The following TMEM266 variants were observed in gnomAD, a reference collection of about 807,000 sequenced individuals.
TMEM266 encodes the protein Hv1 related protein 1.
TMEM266 carries 33 observed loss-of-function variants against 50.5 expected under a neutral mutation model. The ratio of observed to expected loss-of-function variants is 0.65; its 90% CI spans 0.50 to 0.87. The LOEUF (loss-of-function observed/expected upper bound fraction) is 0.87. TMEM266 is among the 40% of genes least tolerant of loss of function. TMEM266 has a pLI of 0.00. For synonymous variants in TMEM266, 310 were observed against 292.3 expected, an observed-to-expected ratio of 1.06 and a Z score of -0.62; for missense variants, 655 against 695.1, an observed-to-expected ratio of 0.94 and a Z score of 0.65.
chr15:76,170,886 C>A, intron 6 of TMEM266, 107 bp from the exon 7 acceptor site: 3 of 1,392,288 alleles, frequency 2.2e-6, no homozygotes, highest in Non-Finnish European at 2.9e-6. Context: ...CTGGTGGGGG[C>A]CCGGGCTGCT....
intron 1 of TMEM266, among the ~76,000 whole-genome samples, chr15:76,100,791 C>T (rs190346682): frequency 3.9e-5 from 6 of 152,294 alleles, no homozygotes; most frequent in South Asian, 2.1e-4. Flanking sequence ...GACAGAATCA[C>T]AGAATATCAA....
chr15:76,106,439 G>A (rs945394221), intron 1 of TMEM266, among the ~76,000 whole-genome samples: 6 of 151,900 alleles, frequency 3.9e-5, no homozygotes, highest in African/African-American at 1.4e-4. Context: ...TTTGGTTTTG[G>A]GGGTTTTGGT....
intron 9 of TMEM266, among the ~76,000 whole-genome samples, chr15:76,192,364 G>C (rs919649750): frequency 6.6e-6 from 1 of 150,932 alleles, no homozygotes; most frequent in Admixed American, 6.6e-5. Context: ...TCCAGCCACC[G>C]ACCCAAACTA....
chr15:76,196,378 G>C (rs78986662), intron 9 of TMEM266, among the ~76,000 whole-genome samples: 143 of 152,348 alleles, frequency 9.4e-4, no homozygotes, highest in African/African-American at 3.4e-3. Flanking sequence ...GCAAAGGGCA[G>C]AACACAGGGC....
At chr15:76,178,655 T>C (rs1284468488) in intron 8 of TMEM266, 3 of 152,162 alleles carry the variant, frequency 2.0e-5, no homozygotes, top group Non-Finnish European at 4.4e-5. Flanking sequence ...CCCAGGTTCC[T>C]GCCGTCCTGG....
intron 5 of TMEM266, among the ~76,000 whole-genome samples, chr15:76,163,586 C>T (rs1338758959): frequency 6.6e-6 from 1 of 152,234 alleles, no homozygotes; most frequent in Non-Finnish European, 1.5e-5. Context: ...CAAAGCGCAG[C>T]CCCGCCCTTG....
At chr15:76,196,999 A>T (rs74756281) in intron 9 of TMEM266, among the ~76,000 whole-genome samples, 2,208 of 152,256 alleles carry the variant, frequency 0.015, 53 homozygotes, top group African/African-American at 0.051. Context: ...AGTGCCACGG[A>T]TTTCACCATA....
chr15:76,160,822 G>T lies in TMEM266; in HGVS notation c.456+654G>T, dbSNP rs2038007608. On this transcript the variant is annotated intron_variant, in intron 5 of 10. Coordinates refer to ENST00000388942, the MANE Select transcript of TMEM266 (RefSeq NM_152335.3). The surrounding 1 kb of genome is among the most constrained non-coding windows in gnomAD (Gnocchi z 5.7). ...CAAGTGCGAATCTCTGTGGTGAGGG[G>T]AGGGGGAAAGTTTATGGAGATCCGC... Among the ~76,000 whole-genome samples, 1 of 152,224 alleles carries T rather than the reference G, an allele frequency of 6.6e-6. No homozygotes were observed. The highest frequency in any genetic ancestry group is 1.5e-5 in the Non-Finnish European group (1 of 68,038).
At chr15:76,076,862 C>T (rs891747319) in intron 1 of TMEM266, among the ~76,000 whole-genome samples, 4 of 152,096 alleles carry the variant, frequency 2.6e-5, no homozygotes, top group African/African-American at 9.7e-5. Context: ...AAGATGGATT[C>T]ATTGCCAGAA....
chr15:76,192,218 TCTCGCGCCC>T, intron 9 of TMEM266, 61 bp downstream of exon 9: 20 of 1,369,312 alleles, frequency 1.5e-5, no homozygotes, highest in Non-Finnish European at 1.9e-5. Flanking sequence ...CTCGCCTCCC[TCTCGCGCCC>T]CGGGACTGTG....
chr15:76,076,760 G>A (rs1340191059), intron 1 of TMEM266, among the ~76,000 whole-genome samples: 1 of 152,024 alleles, frequency 6.6e-6, no homozygotes, highest in Non-Finnish European at 1.5e-5. Context: ...GATTTGAACA[G>A]GTAGGGCAAA....
intron 7 of TMEM266, among the ~76,000 whole-genome samples, chr15:76,172,867 C>G (rs569605595): frequency 1.3e-5 from 2 of 152,172 alleles, no homozygotes; most frequent in Non-Finnish European, 2.9e-5. Context: ...CATCCACCCC[C>G]GCTCGGGGCA....
At chr15:76,195,490 A>C (rs754383970) in intron 9 of TMEM266, among the ~76,000 whole-genome samples, 3 of 152,184 alleles carry the variant, frequency 2.0e-5, no homozygotes, top group Non-Finnish European at 4.4e-5. Flanking sequence ...TCTTTTTGAA[A>C]GTTCTTCTGG....
rs2038482945 is a variant in TMEM266, at chr15:76,185,767, A to G, written c.769-6201A>G. Reference sequence around the variant, plus strand: ...AGAGATGGTTCTCTGGGAACGGGGCATTTTGGCAGGGAGTAGAGGATGGCC... The same window carrying G: ...AGAGATGGTTCTCTGGGAACGGGGCGTTTTGGCAGGGAGTAGAGGATGGCC... On this transcript the variant is annotated intron_variant, in intron 8 of 10. Coordinates refer to ENST00000388942, the MANE Select transcript of TMEM266 (RefSeq NM_152335.3). 3.3e-5 allele frequency among the ~76,000 whole-genome samples: 5 copies of G among 152,176 alleles called. 1 individual carries two copies. In the South Asian group the frequency reaches 1.0e-3, roughly 32 times the overall value.
intron 1 of TMEM266, among the ~76,000 whole-genome samples, chr15:76,099,619 G>C (rs1175531257): frequency 1.3e-5 from 2 of 152,228 alleles, no homozygotes; most frequent in East Asian, 1.9e-4. Context: ...CAGAGTCATA[G>C]AGCTGGAAAA....
At chr15:76,201,080 G>C (rs2038739073) in intron 9 of TMEM266, among the ~76,000 whole-genome samples, 1 of 152,040 alleles carries the variant, frequency 6.6e-6, no homozygotes, top group Non-Finnish European at 1.5e-5. Context: ...CAGCCCTGGA[G>C]CACTTCCAGA....
At chr15:76,191,944 A>C (rs1268646698) in intron 8 of TMEM266, 24 bp from the exon 9 acceptor site, 1 of 1,558,670 alleles carries the variant, frequency 6.4e-7, no homozygotes, top group South Asian at 1.2e-5. Context: ...CCGCTGATTC[A>C]GCCTTGCCCG....
chr15:76,197,165 G>A (rs1014987194), intron 9 of TMEM266, among the ~76,000 whole-genome samples: 4 of 152,182 alleles, frequency 2.6e-5, no homozygotes, highest in Non-Finnish European at 5.9e-5. Flanking sequence ...GGAGAGGAGC[G>A]GGCCTGGCTG....
chr15:76,137,438 A>T (rs767443177), intron 2 of TMEM266, among the ~76,000 whole-genome samples: 2 of 151,884 alleles, frequency 1.3e-5, no homozygotes, highest in Non-Finnish European at 2.9e-5. Context: ...TTCATGAAGG[A>T]CTCTGCCCCA....
Sources: gnomAD v4.1 joint callset for allele counts (sites outside exome capture counted in the v4.1 genomes callset) on GRCh38, gnomAD v4.1.1 for gene constraint, Gnocchi (gnomAD v3.1) non-coding constraint, MANE v1.5 for transcripts, NCBI Gene and HGNC (gene_info 2026-07-23, HGNC 2026-07-21) for gene names.